Variants in HS6ST3 observed in about 807,000 individuals in gnomAD.
HS6ST3 encodes heparan sulfate 6-O-sulfotransferase 3.
Under a neutral mutation model 36.7 loss-of-function variants are expected in HS6ST3, and 12 were observed. The ratio of observed to expected loss-of-function variants is 0.33; its 90% confidence interval spans 0.21 to 0.53. The LOEUF is 0.53. Ranked by LOEUF, HS6ST3 falls within the 20% of genes least tolerant of loss-of-function variation. The pLI is 0.95. For synonymous variants in HS6ST3, 240 were observed against 257.5 expected (o/e 0.93, Z 0.65); for missense variants, 584 against 640.9 (o/e 0.91, Z 0.96).
At chr13:96,420,133 C>T (rs1160213993) in intron 1 of HS6ST3, among the ~76,000 whole-genome samples, 1 of 152,164 alleles carries the variant, frequency 6.6e-6, no homozygotes, top group Non-Finnish European at 1.5e-5. Context: ...TTCCAGTCAA[C>T]AGCAGCAAAC....
intron 1 of HS6ST3, among the ~76,000 whole-genome samples, chr13:96,814,207 T>C (rs1339271371): frequency 6.6e-6 from 1 of 152,190 alleles, no homozygotes; most frequent in East Asian, 1.9e-4. Context: ...CTTTTTCAAA[T>C]ACAGTCCTTT....
intron 1 of HS6ST3, among the ~76,000 whole-genome samples, chr13:96,787,131 G>A (rs1245893780): frequency 1.3e-5 from 2 of 152,156 alleles, no homozygotes; most frequent in African/African-American, 2.4e-5. Flanking sequence ...ACCTGTTGGG[G>A]GAGATTTGGA....
chr13:96,155,087 A>C (rs2054104117), intron 1 of HS6ST3, among the ~76,000 whole-genome samples: 1 of 152,196 alleles, frequency 6.6e-6, no homozygotes, highest in African/African-American at 2.4e-5. Context: ...TTGTTCAGTC[A>C]ATACACGTGT....
intron 1 of HS6ST3, among the ~76,000 whole-genome samples, chr13:96,175,128 CT>C (rs2054206148): frequency 1.3e-5 from 2 of 152,112 alleles, no homozygotes; most frequent in South Asian, 4.1e-4. Context: ...CCTATACTCC[CT>C]TTTTTTGAAA....
chr13:96,251,375 A>G (rs942270724), intron 1 of HS6ST3, among the ~76,000 whole-genome samples: 1 of 152,124 alleles, frequency 6.6e-6, no homozygotes, highest in African/African-American at 2.4e-5. Flanking sequence ...TTGTATATGT[A>G]TAATTCTTAA....
chr13:96,645,987 AG>A (rs1402054094), intron 1 of HS6ST3, among the ~76,000 whole-genome samples: 5 of 151,922 alleles, frequency 3.3e-5, no homozygotes, highest in African/African-American at 1.2e-4. Context: ...AAAAAAAAAA[AG>A]TTGCTACTAA....
intron 1 of HS6ST3, among the ~76,000 whole-genome samples, chr13:96,163,517 C>G (rs1252706449): frequency 6.6e-6 from 1 of 152,160 alleles, no homozygotes; most frequent in Non-Finnish European, 1.5e-5. Flanking sequence ...GCGTGAGCCA[C>G]TGCACCCAGC....
At chr13:96,506,100 A>G (rs1258574090) in intron 1 of HS6ST3, among the ~76,000 whole-genome samples, 1 of 152,130 alleles carries the variant, frequency 6.6e-6, no homozygotes, top group African/African-American at 2.4e-5. Flanking sequence ...GACCTAAATA[A>G]TGCAGGGATT....
chr13:96,703,320 C>G (rs550786604), intron 1 of HS6ST3, among the ~76,000 whole-genome samples: 275 of 152,176 alleles, frequency 1.8e-3, no homozygotes, highest in Non-Finnish European at 3.0e-3. Flanking sequence ...ACAAATGGCA[C>G]TGAGAATTTT....
chr13:96,368,184 A>G (rs1044935806), intron 1 of HS6ST3, among the ~76,000 whole-genome samples: 1 of 152,132 alleles, frequency 6.6e-6, no homozygotes, highest in African/African-American at 2.4e-5. Context: ...CACTAACTCT[A>G]GGTTCTTATT....
At position 96,173,544 on chromosome 13, in the gene HS6ST3, G is replaced by C. The variant is rs960682762; in HGVS notation, c.707+81975G>C. ...CAAGGAGATAAAACCTATTATAAGAGAGGTGGAATCATCGAATACTCAAGC... is the reference window on the plus strand; with the variant it reads ...CAAGGAGATAAAACCTATTATAAGACAGGTGGAATCATCGAATACTCAAGC... On this transcript the variant is annotated intron_variant, in intron 1 of 1. Coordinates refer to ENST00000376705, the MANE Select transcript of HS6ST3 (RefSeq NM_153456.4). 2.0e-5 allele frequency among the ~76,000 whole-genome samples: 3 copies of C among 152,114 alleles called. No individual in the cohort carries two copies. In the South Asian group the frequency reaches 6.2e-4, roughly 32 times the overall value.
chr13:96,716,815 G>A (rs999916059), intron 1 of HS6ST3, among the ~76,000 whole-genome samples: 2 of 152,090 alleles, frequency 1.3e-5, no homozygotes, highest in African/African-American at 4.8e-5. Flanking sequence ...TACAGTAACC[G>A]TAAAGTGAAA....
At chr13:96,555,085 A>G (rs1276664269) in intron 1 of HS6ST3, among the ~76,000 whole-genome samples, 1 of 149,788 alleles carries the variant, frequency 6.7e-6, no homozygotes, top group Admixed American at 6.6e-5. Context: ...GTCTCAATAC[A>G]TATATACATA....
chr13:96,494,188 A>T (rs552732496), intron 1 of HS6ST3, among the ~76,000 whole-genome samples: 1 of 152,182 alleles, frequency 6.6e-6, no homozygotes, highest in East Asian at 1.9e-4. Flanking sequence ...TGTGGCACCT[A>T]TACACCATGG....
intron 1 of HS6ST3, among the ~76,000 whole-genome samples, chr13:96,646,860 T>C (rs2056590560): frequency 6.6e-6 from 1 of 151,974 alleles, no homozygotes; most frequent in Admixed American, 6.6e-5. Flanking sequence ...TAACTGACTT[T>C]TTCCCCTTTT....
chr13:96,194,311 A>G (rs1199619010), intron 1 of HS6ST3, among the ~76,000 whole-genome samples: 1 of 134,746 alleles, frequency 7.4e-6, no homozygotes, highest in Non-Finnish European at 1.6e-5. Context: ...GTGCATTTGA[A>G]GATATTTAGC....
At position 96,090,391 on chromosome 13, in the gene HS6ST3, G is replaced by A. The variant is rs997338757; in HGVS notation, c.-472G>A. ...GGCCGGGGCGGCGGGAGCGGGCCGC[G>A]CCTTCGCCCTTGGCCGGCGCCCTGG... is the stretch of plus-strand genomic sequence containing the variant. On this transcript the variant is annotated 5_prime_UTR_variant, in exon 1 of 2. Transcript: ENST00000376705. Among the ~76,000 whole-genome samples, 2 of 146,198 alleles carry A rather than the reference G, an allele frequency of 1.4e-5. No individual in the cohort carries two copies. Among genetic ancestry groups the A allele is most frequent in the African/African-American group, 4.9e-5 (2 of 40,850 alleles).
chr13:96,144,596 A>G (rs2054047349), intron 1 of HS6ST3, among the ~76,000 whole-genome samples: 1 of 151,954 alleles, frequency 6.6e-6, no homozygotes, highest in Non-Finnish European at 1.5e-5. Context: ...ACTAGATGTG[A>G]TCTTGAAGTT....
chr13:96,406,824 A>G (rs148641906), intron 1 of HS6ST3, among the ~76,000 whole-genome samples: 1 of 152,202 alleles, frequency 6.6e-6, no homozygotes, highest in African/African-American at 2.4e-5. Flanking sequence ...TTGATTTGAC[A>G]CAGTTCATAT....
Sources: gnomAD v4.1 joint callset for allele counts (sites outside exome capture counted in the v4.1 genomes callset) on GRCh38, gnomAD v4.1.1 for gene constraint, MANE v1.5 for transcripts, NCBI Gene and HGNC (gene_info 2026-07-23, HGNC 2026-07-21) for gene names.